Variants in CDYL2 observed in about 807,000 individuals in gnomAD.
CDYL2 encodes chromodomain Y like 2.
A neutral mutation model predicts 49.4 loss-of-function variants in CDYL2; 23 were observed. That is an observed-to-expected ratio of 0.47 (90% CI 0.34 to 0.66). CDYL2 has a LOEUF of 0.66. Ranked by LOEUF, CDYL2 falls within the 30% of genes least tolerant of loss-of-function variation. CDYL2 has a pLI of 0.01. For missense variants in CDYL2, 678 were observed against 656.4 expected, an observed-to-expected ratio of 1.03 and a Z score of -0.36; for synonymous variants, 360 against 268.8, an observed-to-expected ratio of 1.34 and a Z score of -3.32.
In CDYL2 at chr16:80,678,082, C is replaced by T. The variant is rs558622277; in HGVS notation, c.616+6456G>A. 7.6e-4 allele frequency among the ~76,000 whole-genome samples: 116 copies of T among 152,154 alleles called. 2 individuals are homozygous for T. Among genetic ancestry groups the T allele is most frequent in the African/African-American group, 2.7e-3 (113 of 41,518 alleles). On this transcript the variant is annotated intron_variant, in intron 2 of 6. Coordinates refer to ENST00000570137, the MANE Select transcript of CDYL2 (RefSeq NM_152342.4). Reference sequence around the variant, plus strand: ...TATGTAGAAAGCTGAAACTGGATCCCTTCCTTACACCTTATACAAAAATCA... The same window carrying T: ...TATGTAGAAAGCTGAAACTGGATCCTTTCCTTACACCTTATACAAAAATCA...
intron 1 of CDYL2, among the ~76,000 whole-genome samples, chr16:80,777,265 C>T (rs1242274528): frequency 2.0e-5 from 3 of 151,920 alleles, no homozygotes; most frequent in African/African-American, 7.3e-5. Context: ...GTGTCGAGTA[C>T]ACTCAATATG....
intron 2 of CDYL2, among the ~76,000 whole-genome samples, chr16:80,656,537 C>G (rs1382869775): frequency 3.9e-5 from 6 of 152,206 alleles, no homozygotes; most frequent in Non-Finnish European, 5.9e-5. Flanking sequence ...TGCTACATAT[C>G]TGGAAAATAG....
chr16:80,802,877 C>G lies in CDYL2; in HGVS notation c.24+1273G>C, dbSNP rs1222178165. On this transcript the variant is annotated intron_variant, in intron 1 of 6. Coordinates refer to ENST00000570137, the MANE Select transcript of CDYL2 (RefSeq NM_152342.4). Reference sequence around the variant, plus strand: ...AGTCTGTCGTGGGTGGATCACCCTACAATGTCTTATGCAAAAGGCTAATTC... The same window carrying G: ...AGTCTGTCGTGGGTGGATCACCCTAGAATGTCTTATGCAAAAGGCTAATTC... 3.3e-5 allele frequency among the ~76,000 whole-genome samples: 5 copies of G among 152,248 alleles called. No homozygotes were observed. In the South Asian group the frequency reaches 6.2e-4, roughly 19 times the overall value.
rs148613267 is a variant in CDYL2, at chr16:80,751,097, G to C, written c.24+53053C>G. On this transcript the variant is annotated intron_variant, in intron 1 of 6. Transcript: ENST00000570137. ...TCATTTTACATTATAGAAAAATATA[G>C]GAATCTATCAATCTATTTTGTGGCT... is the stretch of plus-strand genomic sequence containing the variant. Among the ~76,000 whole-genome samples the C allele has an allele frequency of 5.2e-3, 786 of 152,078 alleles. 7 individuals are homozygous for C. Among genetic ancestry groups the C allele is most frequent in the African/African-American group, 0.018 (758 of 41,498 alleles).
In CDYL2 at chr16:80,684,595, C is replaced by T. The variant is rs1366472144; in HGVS notation, c.559G>A (p.Glu187Lys). 6.2e-7 allele frequency: 1 copy of T among 1,614,106 alleles called. No individual in the cohort carries two copies. The highest frequency in any genetic ancestry group is 1.3e-5 in the African/African-American group (1 of 74,938). Reference protein sequence around the residue: ...PGLDLNDHVGEQDMGECDVNH... With the variant: ...PGLDLNDHVGKQDMGECDVNH... The stretch of plus-strand genomic sequence containing the variant: ...ACGTCACATTCACCCATATCTTGCT[C>T]TCCAACATGATCATTCAAATCCAAG... The change falls in exon 2 of 7, where the codon GAG becomes AAG. Residue 187 changes from glutamate (E) to lysine (K), a missense_variant. Transcript: ENST00000570137.
intron 2 of CDYL2, among the ~76,000 whole-genome samples, chr16:80,664,583 T>C (rs920524415): frequency 6.6e-6 from 1 of 152,224 alleles, no homozygotes; most frequent in Non-Finnish European, 1.5e-5. Flanking sequence ...CAAATGCCTC[T>C]TTAAGTGAAC....
intron 1 of CDYL2, among the ~76,000 whole-genome samples, chr16:80,736,042 C>T (rs1905512496): frequency 6.6e-6 from 1 of 152,224 alleles, no homozygotes; most frequent in African/African-American, 2.4e-5. Context: ...AGCTTGTCCT[C>T]AGTAACCAGC....
At chr16:80,708,030 G>C (rs1489177972) in intron 1 of CDYL2, among the ~76,000 whole-genome samples, 1 of 152,162 alleles carries the variant, frequency 6.6e-6, no homozygotes, top group Non-Finnish European at 1.5e-5. Context: ...CACTCTTTAG[G>C]GGTGGGGCAA....
intron 3 of CDYL2, among the ~76,000 whole-genome samples, chr16:80,623,771 G>A (rs1248266509): frequency 6.6e-6 from 1 of 152,158 alleles, no homozygotes; most frequent in Non-Finnish European, 1.5e-5. Context: ...CTAGGACTCA[G>A]GAAGTCAGAC....
chr16:80,786,806 A>G (rs1907451173), intron 1 of CDYL2, among the ~76,000 whole-genome samples: 1 of 152,154 alleles, frequency 6.6e-6, no homozygotes, highest in South Asian at 2.1e-4. Context: ...CATTCTCAGC[A>G]AACTATCACA....
At position 80,759,183 on chromosome 16, in the gene CDYL2, A is replaced by G. The variant is rs9925613; in HGVS notation, c.24+44967T>C. On this transcript the variant is annotated intron_variant, in intron 1 of 6. Coordinates refer to ENST00000570137, the MANE Select transcript of CDYL2 (RefSeq NM_152342.4). ...GTTTATATATATATATATGGTGTGT[A>G]TATATATATATAATTTGATATGTTA... Among the ~76,000 whole-genome samples, 936 of 137,750 alleles carry G rather than the reference A, an allele frequency of 6.8e-3. 16 individuals carry two copies. The highest frequency in any genetic ancestry group is 0.024 in the African/African-American group (871 of 36,324). 90.4% of individuals were successfully genotyped at this position (137,750 alleles called of 152,430 possible). A position where few individuals can be genotyped will look rare whatever the true frequency, so the allele number is the denominator to read the frequency against.
At chr16:80,660,902 G>C (rs75365069) in intron 2 of CDYL2, among the ~76,000 whole-genome samples, 1 of 152,088 alleles carries the variant, frequency 6.6e-6, no homozygotes, top group Non-Finnish European at 1.5e-5. Flanking sequence ...AGACACAGAA[G>C]GAAAGATAGA....
Position 80,727,312 on chromosome 16 carries a change from T to A in CDYL2, c.25-42183A>T, listed in dbSNP as rs552414541. On this transcript the variant is annotated intron_variant, in intron 1 of 6. Transcript: ENST00000570137. ...AGCGCAAGGGGTCAGGGAGTTCCGTTTCCTAGTCAAGGAAAGGGGTGACAG... is the reference window on the plus strand; with the variant it reads ...AGCGCAAGGGGTCAGGGAGTTCCGTATCCTAGTCAAGGAAAGGGGTGACAG... Among the ~76,000 whole-genome samples the A allele has an allele frequency of 1.3e-4, 20 of 152,270 alleles. No homozygotes were observed. In the East Asian group the frequency reaches 3.7e-3, roughly 28 times the overall value.
intron 1 of CDYL2, among the ~76,000 whole-genome samples, chr16:80,753,738 C>G (rs1221467603): frequency 6.6e-6 from 1 of 152,146 alleles, no homozygotes. Context: ...TCTTCTTAAA[C>G]CAGGACTCCA....
intron 1 of CDYL2, among the ~76,000 whole-genome samples, chr16:80,733,990 T>C (rs1395144519): frequency 2.0e-5 from 3 of 152,172 alleles, no homozygotes; most frequent in Non-Finnish European, 4.4e-5. Context: ...TTATTCTGAA[T>C]GGGAAACTGG....
At chr16:80,749,349 C>G (rs745995339) in intron 1 of CDYL2, among the ~76,000 whole-genome samples, 2 of 152,158 alleles carry the variant, frequency 1.3e-5, no homozygotes, top group African/African-American at 2.4e-5. Context: ...GTAGTCACAA[C>G]TTTTCACAAT....
chr16:80,698,000 C>T (rs910712618), intron 1 of CDYL2, among the ~76,000 whole-genome samples: 1 of 151,884 alleles, frequency 6.6e-6, no homozygotes, highest in African/African-American at 2.4e-5. Context: ...AGTGCAATCC[C>T]TATAAAAATA....
intron 1 of CDYL2, among the ~76,000 whole-genome samples, chr16:80,721,238 T>C (rs1904988344): frequency 6.6e-6 from 1 of 152,248 alleles, no homozygotes. Flanking sequence ...TTAGATATTT[T>C]ACTTGCAGTA....
chr16:80,712,003 GTGTATATATGTGTGTA>G (rs1235160136), intron 1 of CDYL2, among the ~76,000 whole-genome samples: 3 of 148,212 alleles, frequency 2.0e-5, no homozygotes, highest in Non-Finnish European at 4.5e-5. Context: ...ATATATATGT[GTGTATATATGTGTGTA>G]TATATATGTG....
Sources: gnomAD v4.1 joint callset for allele counts (sites outside exome capture counted in the v4.1 genomes callset) on GRCh38, gnomAD v4.1.1 for gene constraint, MANE v1.5 for transcripts, NCBI Gene and HGNC (gene_info 2026-07-23, HGNC 2026-07-21) for gene names.